Variants in UBR1 observed in about 807,000 individuals in gnomAD.
UBR1 encodes the protein E3 ubiquitin-protein ligase UBR1.
UBR1 carries 102 observed loss-of-function variants against 242.1 expected under a neutral mutation model. That is an observed-to-expected ratio of 0.42 (90% CI 0.36 to 0.50). The LOEUF (loss-of-function observed/expected upper bound fraction) is 0.50. Ranked by LOEUF, UBR1 falls within the 20% of genes least tolerant of loss-of-function variation. The pLI, the probability that UBR1 is intolerant of heterozygous loss-of-function variation, is 0.01. For missense variants in UBR1, 1,772 were observed against 2,101.8 expected (o/e 0.84, Z 3.07); for synonymous variants, 675 against 684.8 (o/e 0.99, Z 0.22).
intron 19 of UBR1, among the ~76,000 whole-genome samples, chr15:43,034,091 C>A (rs2033294760): frequency 6.6e-6 from 1 of 151,728 alleles, no homozygotes; most frequent in African/African-American, 2.4e-5. Context: ...ACAAACATTA[C>A]CTGGGCATGG....
At chr15:42,954,464 T>C (rs1390836463) in intron 44 of UBR1, among the ~76,000 whole-genome samples, 1 of 152,148 alleles carries the variant, frequency 6.6e-6, no homozygotes, top group Non-Finnish European at 1.5e-5. Context: ...CTTCCCCAAC[T>C]TCATGGCTTA....
At chr15:43,015,153 T>A (rs1393826860) in intron 29 of UBR1, among the ~76,000 whole-genome samples, 1 of 152,152 alleles carries the variant, frequency 6.6e-6, no homozygotes, top group East Asian at 1.9e-4. Flanking sequence ...ACCCAACAGC[T>A]CATTGAGAAC....
chr15:43,019,007 T>G (rs181457385), intron 27 of UBR1, among the ~76,000 whole-genome samples: 48 of 152,328 alleles, frequency 3.2e-4, no homozygotes, highest in African/African-American at 1.1e-3. Context: ...TTGGCTAGTT[T>G]AACACAAATA....
chr15:43,065,303 T>C (rs1171843021), intron 6 of UBR1, among the ~76,000 whole-genome samples: 1 of 152,248 alleles, frequency 6.6e-6, no homozygotes, highest in African/African-American at 2.4e-5. Context: ...TTTCTTTCTT[T>C]GCCCACTTTT....
At chr15:43,041,831 C>G (rs760695302) in intron 15 of UBR1, among the ~76,000 whole-genome samples, 1 of 152,078 alleles carries the variant, frequency 6.6e-6, no homozygotes, top group Non-Finnish European at 1.5e-5. Flanking sequence ...TCCAACTGAA[C>G]AGCAAAATTA....
At chr15:42,964,128 T>G (rs2032067093) in intron 41 of UBR1, 85 bp from the exon 42 acceptor site, 1 of 943,566 alleles carries the variant, frequency 1.1e-6, no homozygotes, top group East Asian at 2.6e-5. Flanking sequence ...CTGTTTATGC[T>G]TATTTCTACA....
At chr15:43,006,659 G>T (rs185505090) in intron 30 of UBR1, among the ~76,000 whole-genome samples, 35 of 152,260 alleles carry the variant, frequency 2.3e-4, no homozygotes, top group Admixed American at 6.5e-4. Context: ...TAGCATTCCT[G>T]CCAAGAAAAT....
chr15:43,077,274 G>C (rs942655405), intron 3 of UBR1, among the ~76,000 whole-genome samples: 1 of 152,100 alleles, frequency 6.6e-6, no homozygotes, highest in African/African-American at 2.4e-5. Context: ...GATGGAAGTA[G>C]ACATGGGAGA....
At chr15:43,022,246 A>C (rs1267663158) in intron 26 of UBR1, among the ~76,000 whole-genome samples, 1 of 152,174 alleles carries the variant, frequency 6.6e-6, no homozygotes, top group Non-Finnish European at 1.5e-5. Context: ...AATCTAATTT[A>C]AAACTATCCT....
Position 43,060,121 on chromosome 15 carries a change from A to G in UBR1, c.799-7T>C, listed in dbSNP as rs763951483. The G allele has an allele frequency of 2.1e-5, 34 of 1,613,814 alleles. No homozygotes were observed. The highest frequency in any genetic ancestry group is 2.9e-5 in the Non-Finnish European group (34 of 1,179,786). On this transcript the variant is annotated splice_region_variant and splice_polypyrimidine_tract_variant and intron_variant, in intron 6 of 46. Transcript: ENST00000290650. ...CTTTAACAGCCCGACGACCCTAATT[A>G]TAGACAAAAGTGAGAATTAGGTAGT...
chr15:43,068,754 G>A (rs1463919349), intron 5 of UBR1, among the ~76,000 whole-genome samples: 1 of 152,074 alleles, frequency 6.6e-6, no homozygotes, highest in Non-Finnish European at 1.5e-5. Context: ...CTGAGTAGCT[G>A]GGATTACAGG....
At chr15:43,037,633 A>G (rs1238636110) in intron 17 of UBR1, 140 bp downstream of exon 17, 2 of 724,380 alleles carry the variant, frequency 2.8e-6, no homozygotes, top group Non-Finnish European at 4.8e-6. Flanking sequence ...TAGTTCCTAG[A>G]ACTTTCATTT....
chr15:43,027,013 C>A (rs1031037097), intron 22 of UBR1, among the ~76,000 whole-genome samples: 1 of 152,016 alleles, frequency 6.6e-6, no homozygotes, highest in Non-Finnish European at 1.5e-5. Context: ...ACTTCATTGA[C>A]CTTAGACACT....
intron 1 of UBR1, among the ~76,000 whole-genome samples, chr15:43,097,737 A>G (rs1475997501): frequency 6.6e-6 from 1 of 152,172 alleles, no homozygotes; most frequent in African/African-American, 2.4e-5. Context: ...CACTTCTCTC[A>G]GCCTTCGGAG....
rs1006991318 is a variant in UBR1 at position 43,026,674 on chromosome 15, G to A, written c.2433-11C>T. 9 of 1,602,644 alleles carry A rather than the reference G, an allele frequency of 5.6e-6. No homozygotes were observed. The highest frequency in any genetic ancestry group is 4.5e-5 in the East Asian group (2 of 44,656). On this transcript the variant is annotated splice_polypyrimidine_tract_variant and intron_variant, in intron 22 of 46. Coordinates refer to ENST00000290650, the MANE Select transcript of UBR1 (RefSeq NM_174916.3). ...GATACACCTGGTTTCCTAAATAGAT[G>A]GAAAATACAAGATGAACTGCAGTGT...
chr15:43,014,741 A>AG (rs2032985721), intron 29 of UBR1, among the ~76,000 whole-genome samples: 1 of 129,086 alleles, frequency 7.7e-6, no homozygotes, highest in Admixed American at 7.6e-5. Flanking sequence ...CCGTCTGGGA[A>AG]GTGAGGACCG....
At chr15:43,037,707 TC>T in intron 17 of UBR1, 65 bp downstream of exon 17, 1 of 1,393,844 alleles carries the variant, frequency 7.2e-7, no homozygotes, top group African/African-American at 1.4e-5. Flanking sequence ...CAGGGTAAAA[TC>T]ATATAAGAGA....
At chr15:42,994,223 G>A (rs1401455979) in intron 33 of UBR1, among the ~76,000 whole-genome samples, 4 of 151,578 alleles carry the variant, frequency 2.6e-5, no homozygotes, top group African/African-American at 7.3e-5. Context: ...ATTCTTACAT[G>A]GCCTAATTTA....
At chr15:43,077,137 C>T (rs1444201930) in intron 3 of UBR1, among the ~76,000 whole-genome samples, 1 of 146,826 alleles carries the variant, frequency 6.8e-6, no homozygotes, top group Non-Finnish European at 1.5e-5. Context: ...GGCCACGACC[C>T]CGTCTGGGAG....
Sources: gnomAD v4.1 joint callset for allele counts (sites outside exome capture counted in the v4.1 genomes callset) on GRCh38, gnomAD v4.1.1 for gene constraint, MANE v1.5 for transcripts, NCBI Gene and HGNC (gene_info 2026-07-23, HGNC 2026-07-21) for gene names.